Variants in APBB2 observed in about 807,000 individuals in gnomAD.
The protein encoded by APBB2 is Fe65-like 1.
A neutral mutation model predicts 82.5 loss-of-function variants in APBB2; 38 were observed. That is an observed-to-expected ratio of 0.46 (90% CI 0.36 to 0.60). APBB2 has a LOEUF of 0.60. Ranked by LOEUF, APBB2 falls within the 20% of genes least tolerant of loss-of-function variation. The pLI is 0.00. For synonymous variants in APBB2, 341 were observed against 368.2 expected, an observed-to-expected ratio of 0.93 and a Z score of 0.85; for missense variants, 772 against 972.3, an observed-to-expected ratio of 0.79 and a Z score of 2.74.
At chr4:40,923,703 C>T (rs1781905718) in intron 10 of APBB2, among the ~76,000 whole-genome samples, 1 of 152,208 alleles carries the variant, frequency 6.6e-6, no homozygotes. Flanking sequence ...GCCTTTCCTT[C>T]ATTAGCTTTT....
chr4:41,051,152 C>G (rs527386356), intron 4 of APBB2, among the ~76,000 whole-genome samples: 2 of 152,312 alleles, frequency 1.3e-5, no homozygotes, highest in African/African-American at 4.8e-5. Context: ...CTCTAAAATG[C>G]AGACACACAC....
At position 41,176,246 on chromosome 4, in the gene APBB2, TAA is replaced by T. The variant is rs1769742109; in HGVS notation, c.-416-33106_-416-33105del. Among the ~76,000 whole-genome samples, 5 of 152,158 alleles carry T rather than the reference TAA, an allele frequency of 3.3e-5. No individual in the cohort carries two copies. In the South Asian group the frequency reaches 8.3e-4, roughly 25 times the overall value. ...AGACTCACACCAATCACAGAAAGCA[TAA>T]AGAGTCCAAAAAGAGATTCTAACCA... On this transcript the variant is annotated intron_variant, in intron 1 of 17. Coordinates refer to ENST00000508593, the MANE Select transcript of APBB2 (RefSeq NM_004307.2).
At chr4:41,131,677 C>G (rs914816387) in intron 2 of APBB2, among the ~76,000 whole-genome samples, 3 of 152,068 alleles carry the variant, frequency 2.0e-5, no homozygotes, top group African/African-American at 4.8e-5. Context: ...TTTAACAAAC[C>G]ATTTTAGGAA....
At chr4:40,953,069 T>C (rs1790643952) in intron 6 of APBB2, among the ~76,000 whole-genome samples, 1 of 151,200 alleles carries the variant, frequency 6.6e-6, no homozygotes, top group Non-Finnish European at 1.5e-5. Context: ...TCAAGGAGGG[T>C]GGATCACCTG....
intron 2 of APBB2, among the ~76,000 whole-genome samples, chr4:41,108,888 T>C (rs2153978490): frequency 6.6e-6 from 1 of 152,338 alleles, no homozygotes; most frequent in African/African-American, 2.4e-5. Flanking sequence ...CTCTTCCCAC[T>C]GGCCCATTCT....
rs575422824 is a variant in APBB2, at chr4:41,147,955, T to TAA, written c.-416-4815_-416-4814dup. ...CATTGATTTACTGCATTAACTTACT[T>TAA]AAAAAAAAGTATTGGAATATTTTTA... On this transcript the variant is annotated intron_variant, in intron 1 of 17. Coordinates refer to ENST00000508593, the MANE Select transcript of APBB2 (RefSeq NM_004307.2). 8.4e-3 allele frequency among the ~76,000 whole-genome samples: 1,279 copies of TAA among 151,948 alleles called. 7 individuals carry two copies. Among genetic ancestry groups the TAA allele is most frequent in the Non-Finnish European group, 0.013 (887 of 67,936 alleles).
chr4:40,971,419 A>T (rs1795900359), intron 6 of APBB2, among the ~76,000 whole-genome samples: 1 of 152,230 alleles, frequency 6.6e-6, no homozygotes, highest in African/African-American at 2.4e-5. Context: ...TCATTCGAAT[A>T]AAGGACACAA....
At chr4:40,949,363 C>G (rs575171282) in intron 6 of APBB2, among the ~76,000 whole-genome samples, 1 of 152,072 alleles carries the variant, frequency 6.6e-6, no homozygotes, top group Non-Finnish European at 1.5e-5. Flanking sequence ...CCATTTTGTC[C>G]GTCATTACAC....
At chr4:40,824,940 G>A (rs560622561) in intron 15 of APBB2, among the ~76,000 whole-genome samples, 1 of 152,102 alleles carries the variant, frequency 6.6e-6, no homozygotes, top group Non-Finnish European at 1.5e-5. Flanking sequence ...GCCTATTTTG[G>A]GCGTTTCATA....
At chr4:40,917,291 C>T (rs941298798) in intron 10 of APBB2, among the ~76,000 whole-genome samples, 1 of 152,162 alleles carries the variant, frequency 6.6e-6, no homozygotes, top group Non-Finnish European at 1.5e-5. Flanking sequence ...TAGAGCTGAA[C>T]TCCAAGATTT....
At chr4:40,876,611 T>C (rs1158601142) in intron 12 of APBB2, among the ~76,000 whole-genome samples, 1 of 152,236 alleles carries the variant, frequency 6.6e-6, no homozygotes, top group Non-Finnish European at 1.5e-5. Flanking sequence ...GGGACAGTAT[T>C]TGCATATAAC....
chr4:41,011,818 G>A (rs923921553), intron 6 of APBB2, among the ~76,000 whole-genome samples: 1 of 152,164 alleles, frequency 6.6e-6, no homozygotes, highest in African/African-American at 2.4e-5. Flanking sequence ...CACTGGGAAA[G>A]GGGGCTGGGG....
At chr4:40,939,136 C>A (rs1396317420) in intron 7 of APBB2, among the ~76,000 whole-genome samples, 1 of 152,202 alleles carries the variant, frequency 6.6e-6, no homozygotes. Flanking sequence ...GCCTCTATAA[C>A]CATAAGAAAT....
chr4:41,082,354 A>T (rs1454053204), intron 3 of APBB2, among the ~76,000 whole-genome samples: 1 of 152,178 alleles, frequency 6.6e-6, no homozygotes, highest in Non-Finnish European at 1.5e-5. Context: ...AATATCAAAC[A>T]TCGGGGGGTG....
intron 8 of APBB2, 100 bp from the exon 9 acceptor site, chr4:40,934,799 G>C: frequency 1.2e-6 from 1 of 854,464 alleles, no homozygotes; most frequent in Non-Finnish European, 1.9e-6. Flanking sequence ...AAGAGGCAGA[G>C]AGTGTACGTG....
intron 12 of APBB2, among the ~76,000 whole-genome samples, chr4:40,848,759 T>G (rs1758412932): frequency 6.6e-6 from 1 of 152,012 alleles, no homozygotes; most frequent in Non-Finnish European, 1.5e-5. Flanking sequence ...GGGACCGTTT[T>G]GCTCCGAAAC....
At chr4:40,844,251 C>T (rs1030621771) in intron 12 of APBB2, among the ~76,000 whole-genome samples, 6 of 152,140 alleles carry the variant, frequency 3.9e-5, no homozygotes, top group African/African-American at 1.4e-4. Flanking sequence ...CCTCTGTGTG[C>T]CAGGCACACT....
At chr4:40,924,217 C>A (rs993706435) in intron 10 of APBB2, among the ~76,000 whole-genome samples, 14 of 152,226 alleles carry the variant, frequency 9.2e-5, no homozygotes, top group Non-Finnish European at 1.9e-4. Context: ...GAATCTCATT[C>A]AGCCAGGACT....
At chr4:40,864,270 A>T (rs1763515402) in intron 12 of APBB2, among the ~76,000 whole-genome samples, 1 of 151,866 alleles carries the variant, frequency 6.6e-6, no homozygotes, top group African/African-American at 2.4e-5. Flanking sequence ...ACAAAACAAA[A>T]CAAAACAAAA....
Sources: gnomAD v4.1 joint callset for allele counts (sites outside exome capture counted in the v4.1 genomes callset) on GRCh38, gnomAD v4.1.1 for gene constraint, MANE v1.5 for transcripts, NCBI Gene and HGNC (gene_info 2026-07-23, HGNC 2026-07-21) for gene names.